Variants in ACOT7 observed in about 807,000 individuals in gnomAD.
ACOT7 encodes cytosolic acyl coenzyme A thioester hydrolase.
ACOT7 carries 12 observed loss-of-function variants against 40.2 expected under a neutral mutation model. The ratio of observed to expected loss-of-function variants is 0.30; its 90% CI spans 0.19 to 0.48. The LOEUF is 0.48. ACOT7 is among the 20% of genes least tolerant of loss of function. The pLI is 0.99. For synonymous variants in ACOT7, 228 were observed against 219.5 expected, an observed-to-expected ratio of 1.04 and a Z score of -0.34; for missense variants, 395 against 530.8, an observed-to-expected ratio of 0.74 and a Z score of 2.51.
chr1:6,304,376 A>G, intron 6 of ACOT7, among the ~76,000 whole-genome samples: 1 of 149,118 alleles, frequency 6.7e-6, no homozygotes, highest in South Asian at 2.1e-4. Flanking sequence ...ACCCGTACAC[A>G]GGTAGAAAAG....
chr1:6,372,700 C>G (rs149933375), intron 1 of ACOT7, among the ~76,000 whole-genome samples: 211 of 152,172 alleles, frequency 1.4e-3, no homozygotes, highest in Non-Finnish European at 2.5e-3. Context: ...AGGCGTATGT[C>G]AACACACCTG....
intron 6 of ACOT7, among the ~76,000 whole-genome samples, chr1:6,302,651 T>C (rs185969565): frequency 6.6e-6 from 1 of 152,106 alleles, no homozygotes; most frequent in East Asian, 1.9e-4. Context: ...GGAAGGAAAG[T>C]GATCTCATAA....
At chr1:6,281,792 C>T (rs1639366885) in intron 7 of ACOT7, among the ~76,000 whole-genome samples, 1 of 152,218 alleles carries the variant, frequency 6.6e-6, no homozygotes, top group Non-Finnish European at 1.5e-5. Flanking sequence ...GTATCACCTT[C>T]CACAGCCATT....
chr1:6,393,423 C>T lies in ACOT7; in HGVS notation c.-24G>A. ...ATAAAGGGGGAGGGCAGAGGTGGAGCGATGGGGCTGGTGAGGCGGGGCCTG... is the reference window on the plus strand; with the variant it reads ...ATAAAGGGGGAGGGCAGAGGTGGAGTGATGGGGCTGGTGAGGCGGGGCCTG... On this transcript the variant is annotated 5_prime_UTR_variant, in exon 1 of 9. Transcript: ENST00000361521. The T allele has an allele frequency of 8.2e-7, 1 of 1,219,658 alleles. No individual in the cohort carries two copies. Among genetic ancestry groups the T allele is most frequent in the Non-Finnish European group, 1.0e-6 (1 of 977,692 alleles). 75.6% of individuals were successfully genotyped at this position (1,219,658 alleles called of 1,614,324 possible).
Position 6,368,573 on chromosome 1 carries a change from G to A in ACOT7, c.144-18707C>T, listed in dbSNP as rs150037031. On this transcript the variant is annotated intron_variant, in intron 1 of 8. Transcript: ENST00000361521. ...CCAGCAGGCAACTCAGCCTGGCCCCGTTGTGGTGGCTCCCAGGGCAGTGGG... is the reference window on the plus strand; with the variant it reads ...CCAGCAGGCAACTCAGCCTGGCCCCATTGTGGTGGCTCCCAGGGCAGTGGG... 6.1e-3 allele frequency among the ~76,000 whole-genome samples: 935 copies of A among 152,326 alleles called. 5 individuals carry two copies. Among genetic ancestry groups the A allele is most frequent in the Non-Finnish European group, 0.011 (741 of 68,028 alleles).
At chr1:6,269,904 T>G (rs916365319) in intron 8 of ACOT7, among the ~76,000 whole-genome samples, 20 of 152,210 alleles carry the variant, frequency 1.3e-4, no homozygotes, top group Admixed American at 4.6e-4. Context: ...GCGGGCGGCC[T>G]TCCTCCCTGA....
rs1640134568 is a variant in ACOT7, at chr1:6,305,852, G to A, written c.713-10872C>T. 2.6e-5 allele frequency among the ~76,000 whole-genome samples: 4 copies of A among 152,182 alleles called. No homozygotes were observed. In the South Asian group the frequency reaches 8.3e-4, roughly 31 times the overall value. On this transcript the variant is annotated intron_variant, in intron 6 of 8. Coordinates refer to ENST00000361521, the MANE Select transcript of ACOT7 (RefSeq NM_007274.4). ...CCAAGGCAGGCAGCTGGGAGGTGGA[G>A]GTTGTAGCGAGCCGAGATCACGCCA...
At chr1:6,365,782 AAT>A (rs1641997863) in intron 1 of ACOT7, among the ~76,000 whole-genome samples, 3 of 143,878 alleles carry the variant, frequency 2.1e-5, no homozygotes, top group African/African-American at 8.4e-5. Context: ...AAAAAAAAAA[AAT>A]TTATTGCTAA....
intron 1 of ACOT7, among the ~76,000 whole-genome samples, chr1:6,374,053 T>A (rs1217594291): frequency 6.6e-6 from 1 of 152,188 alleles, no homozygotes; most frequent in African/African-American, 2.4e-5. Context: ...TAAATATCCA[T>A]GGCAAATGCA....
chr1:6,314,369 A>G (rs1467017884), intron 6 of ACOT7, among the ~76,000 whole-genome samples: 2 of 152,276 alleles, frequency 1.3e-5, no homozygotes, highest in Admixed American at 1.3e-4. Context: ...TTGTTTCCAC[A>G]TAATACTTAA....
chr1:6,341,288 T>A (rs1641270647), intron 2 of ACOT7, among the ~76,000 whole-genome samples: 1 of 151,438 alleles, frequency 6.6e-6, no homozygotes, highest in Non-Finnish European at 1.5e-5. Context: ...ATTACAGATG[T>A]GCACCACCAC....
rs989173266 is a variant in ACOT7 at position 6,358,422 on chromosome 1, C to A, written c.144-8556G>T. Among the ~76,000 whole-genome samples, 6 of 152,222 alleles carry A rather than the reference C, an allele frequency of 3.9e-5. No individual in the cohort carries two copies. The highest frequency in any genetic ancestry group is 3.8e-4 in the East Asian group (2 of 5,200). On this transcript the variant is annotated intron_variant, in intron 1 of 8. Coordinates refer to ENST00000361521, the MANE Select transcript of ACOT7 (RefSeq NM_007274.4). This position sits in a 1 kb window ranked among gnomAD's most constrained non-coding sequence, Gnocchi z 4.1. ...CTCCTTGTGCAGCCCACAGACCCCCCCTCCACCGCAGGTAGGAAGCTCAGC... is the reference window on the plus strand; with the variant it reads ...CTCCTTGTGCAGCCCACAGACCCCCACTCCACCGCAGGTAGGAAGCTCAGC...
At chr1:6,297,598 C>T (rs947699609) in intron 6 of ACOT7, among the ~76,000 whole-genome samples, 3 of 152,142 alleles carry the variant, frequency 2.0e-5, no homozygotes, top group Non-Finnish European at 4.4e-5. Flanking sequence ...ATGAGAGGCA[C>T]GCATCTTGTG....
At chr1:6,377,181 T>C (rs1007423781) in intron 1 of ACOT7, among the ~76,000 whole-genome samples, 1 of 152,160 alleles carries the variant, frequency 6.6e-6, no homozygotes, top group Non-Finnish European at 1.5e-5. Context: ...GGCAGTTTTG[T>C]ACAAAGCTAA....
rs1276386551 is a variant in ACOT7, at chr1:6,358,562, G to C, written c.144-8696C>G. Among the ~76,000 whole-genome samples the C allele has an allele frequency of 1.3e-5, 2 of 152,228 alleles. No individual in the cohort carries two copies. The highest frequency in any genetic ancestry group is 4.8e-5 in the African/African-American group (2 of 41,466). ...CCTCCCTGGGGACTAGAGCAGGCAG[G>C]GGAGTGCCCTGGTCCGTCAGGGGAC... On this transcript the variant is annotated intron_variant, in intron 1 of 8. Coordinates refer to ENST00000361521, the MANE Select transcript of ACOT7 (RefSeq NM_007274.4). This position sits in a 1 kb window ranked among gnomAD's most constrained non-coding sequence, Gnocchi z 4.1.
chr1:6,327,194 C>T, intron 5 of ACOT7, 105 bp downstream of exon 5: 1 of 1,163,722 alleles, frequency 8.6e-7, no homozygotes, highest in Non-Finnish European at 1.2e-6. Context: ...ATGCTCAGCA[C>T]CTGGGGAACC....
At chr1:6,334,658 C>A (rs1641051158) in intron 3 of ACOT7, among the ~76,000 whole-genome samples, 1 of 152,216 alleles carries the variant, frequency 6.6e-6, no homozygotes, top group African/African-American at 2.4e-5. Flanking sequence ...ACTGAGCCCA[C>A]CCACAGAGCA....
At chr1:6,264,820 G>A in intron 8 of ACOT7, 125 bp from the exon 9 acceptor site, 1 of 974,062 alleles carries the variant, frequency 1.0e-6, no homozygotes, top group Non-Finnish European at 1.5e-6. Flanking sequence ...TGCATGCTGA[G>A]TACCACGCCT....
In ACOT7 at chr1:6,312,065, G is replaced by A. The variant is rs564899492; in HGVS notation, c.712+6427C>T. Among the ~76,000 whole-genome samples the A allele has an allele frequency of 1.2e-4, 18 of 152,270 alleles. No individual in the cohort carries two copies. In the South Asian group the frequency reaches 3.7e-3, roughly 32 times the overall value. On this transcript the variant is annotated intron_variant, in intron 6 of 8. Transcript: ENST00000361521. Reference sequence around the variant, plus strand: ...AGACATACAGACCGGATCTGACGGAGAAGTGAGAAGAGGGCAGGATGGAGA... The same window carrying A: ...AGACATACAGACCGGATCTGACGGAAAAGTGAGAAGAGGGCAGGATGGAGA...
Sources: allele counts gnomAD v4.1 joint callset (sites outside exome capture counted in the v4.1 genomes callset), GRCh38; gene constraint gnomAD v4.1.1; non-coding constraint Gnocchi (gnomAD v3.1); transcripts MANE v1.5; gene names NCBI Gene and HGNC (gene_info 2026-07-23, HGNC 2026-07-21).